The following SEZ6L variants were observed in gnomAD, a reference collection of about 807,000 sequenced individuals.
SEZ6L encodes the protein seizure 6-like protein.
Under a neutral mutation model 106.2 loss-of-function variants are expected in SEZ6L, and 37 were observed. The observed-to-expected ratio is 0.35, with a 90% CI of 0.27 to 0.46. The LOEUF (loss-of-function observed/expected upper bound fraction) is 0.46, where lower values mean the gene tolerates loss of function less well. SEZ6L is among the 20% of genes least tolerant of loss of function. The pLI is 1.00. For missense variants in SEZ6L, 1,172 were observed against 1,332.8 expected, an observed-to-expected ratio of 0.88 and a Z score of 1.88; for synonymous variants, 541 against 570.4, an observed-to-expected ratio of 0.95 and a Z score of 0.73.
intron 7 of SEZ6L, among the ~76,000 whole-genome samples, chr22:26,311,475 G>T (rs1276395623): frequency 6.6e-6 from 1 of 152,224 alleles, no homozygotes; most frequent in African/African-American, 2.4e-5. Context: ...GAAGTTACGG[G>T]CCATGGGAAG....
chr22:26,374,867 G>A (rs2084165004), intron 14 of SEZ6L, among the ~76,000 whole-genome samples: 1 of 152,162 alleles, frequency 6.6e-6, no homozygotes, highest in Non-Finnish European at 1.5e-5. Flanking sequence ...GAGGTTGAGA[G>A]AGCAGCCGGG....
At chr22:26,323,400 A>G (rs1173795442) in intron 9 of SEZ6L, among the ~76,000 whole-genome samples, 1 of 152,222 alleles carries the variant, frequency 6.6e-6, no homozygotes, top group Non-Finnish European at 1.5e-5. Context: ...TTGGAAGCCA[A>G]GATGGGAGGA....
chr22:26,169,503 G>T lies in SEZ6L; in HGVS notation c.-167G>T. The T allele has an allele frequency of 2.8e-6, 1 of 355,580 alleles. No homozygotes were observed. The highest frequency in any genetic ancestry group is 5.0e-6 in the Non-Finnish European group (1 of 198,898). The allele number at this position is 355,580 out of a possible 1,614,324, so 22.0% of individuals were successfully genotyped here. On this transcript the variant is annotated 5_prime_UTR_variant, in exon 1 of 17. Transcript: ENST00000248933. ...CCGGCGCAGCTCGGCCAGAGCGACC[G>T]CGGGGCTGAGCGCGCGTCCGCCCAG...
chr22:26,268,251 T>C (rs1455389369), intron 1 of SEZ6L, among the ~76,000 whole-genome samples: 1 of 152,192 alleles, frequency 6.6e-6, no homozygotes, highest in Non-Finnish European at 1.5e-5. Flanking sequence ...TTCTCAGATC[T>C]TGTCTCTCTT....
chr22:26,380,205 C>T lies in SEZ6L; in HGVS notation c.3046-61C>T, dbSNP rs991842105. On this transcript the variant is annotated intron_variant, in intron 16 of 16. Transcript: ENST00000248933. ...TACAGAGGTGCAAAGAACTGCATCC[C>T]CCTATGTATATCACTCTACCACACA... The T allele has an allele frequency of 3.7e-5, 57 of 1,527,836 alleles. No individual in the cohort carries two copies. In the South Asian group the frequency reaches 5.4e-4, roughly 14 times the overall value. The allele number at this position is 1,527,836 out of a possible 1,614,324, so 94.6% of individuals were successfully genotyped here. A position where few individuals can be genotyped will look rare whatever the true frequency, so the allele number is the denominator to read the frequency against.
At chr22:26,193,934 G>A (rs150433786) in intron 1 of SEZ6L, among the ~76,000 whole-genome samples, 289 of 152,306 alleles carry the variant, frequency 1.9e-3, no homozygotes, top group African/African-American at 6.2e-3. Context: ...CTTAGAGGCT[G>A]GGGGGAGGTT....
In SEZ6L at chr22:26,297,505, G is replaced by A. The variant is rs142603569; in HGVS notation, c.1162+425G>A. Among the ~76,000 whole-genome samples the A allele has an allele frequency of 5.7e-4, 87 of 152,240 alleles. No homozygotes were observed. The East Asian group carries it at 7.0e-3, about 12-fold the overall frequency. On this transcript the variant is annotated intron_variant, in intron 4 of 16. Transcript: ENST00000248933. Reference sequence around the variant, plus strand: ...GTTTCAGTTTGTTGCCAGGAAAATAGCACAGCTAAGGTAGAGGTTAATGAA... The same window carrying A: ...GTTTCAGTTTGTTGCCAGGAAAATAACACAGCTAAGGTAGAGGTTAATGAA...
chr22:26,369,143 G>A (rs1025711323), intron 13 of SEZ6L, among the ~76,000 whole-genome samples: 1 of 151,672 alleles, frequency 6.6e-6, no homozygotes, highest in Non-Finnish European at 1.5e-5. Context: ...AAACATAAAC[G>A]GAGTCCTGAG....
At chr22:26,370,910 A>G (rs2084010509) in intron 13 of SEZ6L, among the ~76,000 whole-genome samples, 1 of 150,260 alleles carries the variant, frequency 6.7e-6, no homozygotes, top group African/African-American at 2.4e-5. Flanking sequence ...AAGCTGAGGC[A>G]GGAGCACTGC....
chr22:26,324,103 A>AAC lies in SEZ6L; in HGVS notation c.2015+10217_2015+10218dup, dbSNP rs66812562. On this transcript the variant is annotated intron_variant, in intron 9 of 16. Coordinates refer to ENST00000248933, the MANE Select transcript of SEZ6L (RefSeq NM_021115.5). Reference sequence around the variant, plus strand: ...ACACACACACACACACACACACACAAACACACACACACACACAAACGGTAG... The same window carrying AAC: ...ACACACACACACACACACACACACAAACACACACACACACACACAAACGGTAG... Among the ~76,000 whole-genome samples the AAC allele has an allele frequency of 4.1e-3, 340 of 83,358 alleles. 2 individuals are homozygous for AAC. Among genetic ancestry groups the AAC allele is most frequent in the East Asian group, 0.029 (77 of 2,618 alleles). The allele number at this position is 83,358 out of a possible 152,430, so 54.7% of individuals were successfully genotyped here. A position where few individuals can be genotyped will look rare whatever the true frequency, so the allele number is the denominator to read the frequency against.
chr22:26,199,707 G>A (rs986529368), intron 1 of SEZ6L, among the ~76,000 whole-genome samples: 8 of 152,156 alleles, frequency 5.3e-5, no homozygotes, highest in Non-Finnish European at 1.2e-4. Flanking sequence ...TTAGCAGTTT[G>A]GTGAATTCCC....
intron 10 of SEZ6L, among the ~76,000 whole-genome samples, chr22:26,346,447 G>A (rs1394290680): frequency 6.6e-6 from 1 of 152,226 alleles, no homozygotes; most frequent in East Asian, 1.9e-4. Flanking sequence ...GGATGAAGCT[G>A]AGCATATTAG....
chr22:26,260,510 A>G (rs898736936), intron 1 of SEZ6L, among the ~76,000 whole-genome samples: 2 of 152,192 alleles, frequency 1.3e-5, no homozygotes, highest in African/African-American at 4.8e-5. Context: ...ATATATACAT[A>G]TGACAATTTT....
chr22:26,334,830 C>T (rs770340656), intron 9 of SEZ6L, among the ~76,000 whole-genome samples: 9 of 152,168 alleles, frequency 5.9e-5, no homozygotes, highest in Non-Finnish European at 1.0e-4. Context: ...TCTTGGGAAG[C>T]TTTGTGGTCC....
chr22:26,210,839 A>G (rs1005790979), intron 1 of SEZ6L, among the ~76,000 whole-genome samples: 13 of 152,232 alleles, frequency 8.5e-5, no homozygotes, highest in African/African-American at 2.9e-4. Context: ...ATTTGTTCCA[A>G]CATTTAAAAT....
At chr22:26,298,473 G>A (rs1297591499) in intron 4 of SEZ6L, among the ~76,000 whole-genome samples, 3 of 152,206 alleles carry the variant, frequency 2.0e-5, no homozygotes, top group Non-Finnish European at 4.4e-5. Context: ...TTGTCTCAAG[G>A]TGACATCGTT....
At chr22:26,175,084 C>A (rs2032681746) in intron 1 of SEZ6L, among the ~76,000 whole-genome samples, 1 of 152,132 alleles carries the variant, frequency 6.6e-6, no homozygotes, top group Non-Finnish European at 1.5e-5. Context: ...CCTTTTATAT[C>A]CTGCATTCCC....
chr22:26,265,717 C>T (rs2145827681), intron 1 of SEZ6L, among the ~76,000 whole-genome samples: 1 of 152,302 alleles, frequency 6.6e-6, no homozygotes, highest in South Asian at 2.1e-4. Context: ...ACTCTGAGTT[C>T]TTCAAATAGA....
intron 9 of SEZ6L, among the ~76,000 whole-genome samples, chr22:26,332,400 T>G (rs889561308): frequency 6.6e-6 from 1 of 151,974 alleles, no homozygotes; most frequent in African/African-American, 2.4e-5. Context: ...TTCACTCACC[T>G]CGGCCTCCCA....
Sources: allele counts gnomAD v4.1 joint callset (sites outside exome capture counted in the v4.1 genomes callset), GRCh38; gene constraint gnomAD v4.1.1; transcripts MANE v1.5; gene names NCBI Gene and HGNC (gene_info 2026-07-23, HGNC 2026-07-21).